Variants in COBL observed in about 807,000 individuals in gnomAD.
COBL encodes the protein protein cordon-bleu.
In COBL, 51 loss-of-function variants were observed where a neutral mutation model predicts 98.8. The observed-to-expected ratio is 0.52, with a 90% confidence interval of 0.41 to 0.65. The LOEUF (loss-of-function observed/expected upper bound fraction) is 0.65. Ranked by LOEUF, COBL falls within the 30% of genes least tolerant of loss-of-function variation. The pLI is 0.00. For synonymous variants in COBL, 634 were observed against 651.7 expected, an observed-to-expected ratio of 0.97 and a Z score of 0.41; for missense variants, 1,617 against 1,617.5, an observed-to-expected ratio of 1.00 and a Z score of 0.01.
At chr7:51,168,104 C>A (rs1787499397) in intron 5 of COBL, among the ~76,000 whole-genome samples, 1 of 152,118 alleles carries the variant, frequency 6.6e-6, no homozygotes, top group African/African-American at 2.4e-5. Context: ...GCAAAGGAAA[C>A]AACCCACAAA....
chr7:51,230,133 C>T (rs758236507), intron 1 of COBL, among the ~76,000 whole-genome samples: 5 of 152,128 alleles, frequency 3.3e-5, no homozygotes, highest in Non-Finnish European at 7.4e-5. Context: ...AAGGAGTGTG[C>T]CCCCAGCTGC....
In COBL at chr7:51,031,097, G is replaced by A; in HGVS notation, c.1407-188C>T. 5.0e-6 allele frequency: 3 copies of A among 597,998 alleles called. No individual in the cohort carries two copies. In the Admixed American group the frequency reaches 8.7e-5, roughly 17 times the overall value. The allele number at this position is 597,998 out of a possible 1,614,324, so 37.0% of individuals were successfully genotyped here. ...TCATGGGTGTGTGTGTCCCCCATGT[G>A]TGTGCACAGGTATGTGTGGGATGCG... On this transcript the variant is annotated intron_variant, in intron 8 of 12. Coordinates refer to ENST00000265136, the MANE Select transcript of COBL (RefSeq NM_015198.5).
chr7:51,032,616 A>G (rs1220638614), intron 8 of COBL: 3 of 152,226 alleles, frequency 2.0e-5, no homozygotes, highest in Admixed American at 2.0e-4. Context: ...CTTCCAGATT[A>G]GTCTCAGCTA....
chr7:51,177,971 C>G (rs547668923), intron 5 of COBL, among the ~76,000 whole-genome samples: 1 of 151,802 alleles, frequency 6.6e-6, no homozygotes, highest in Admixed American at 6.6e-5. Flanking sequence ...TATGGTGAAA[C>G]CCGGTCTCTA....
chr7:51,104,459 T>C (rs143476240), intron 6 of COBL, among the ~76,000 whole-genome samples: 207 of 152,332 alleles, frequency 1.4e-3, no homozygotes, highest in Non-Finnish European at 2.7e-3. Flanking sequence ...AGCTGTGTGA[T>C]GGTGGATAAG....
chr7:51,117,419 G>C (rs1273733601), intron 6 of COBL, among the ~76,000 whole-genome samples: 1 of 151,760 alleles, frequency 6.6e-6, no homozygotes, highest in African/African-American at 2.4e-5. Flanking sequence ...TCTTGAAACT[G>C]GATATTTCAA....
At chr7:51,230,179 C>T (rs1794614412) in intron 1 of COBL, among the ~76,000 whole-genome samples, 1 of 152,170 alleles carries the variant, frequency 6.6e-6, no homozygotes, top group Non-Finnish European at 1.5e-5. Context: ...AGCTTCTCTC[C>T]TACGTGGACA....
chr7:51,173,259 G>A (rs1057382970), intron 5 of COBL, among the ~76,000 whole-genome samples: 5 of 151,738 alleles, frequency 3.3e-5, no homozygotes, highest in African/African-American at 1.2e-4. Flanking sequence ...TTGGCTCACT[G>A]CAACCTCTAC....
At chr7:51,239,642 C>A (rs1047679788) in intron 1 of COBL, among the ~76,000 whole-genome samples, 1 of 152,204 alleles carries the variant, frequency 6.6e-6, no homozygotes, top group African/African-American at 2.4e-5. Context: ...GCCTCCAATT[C>A]TTTCTTGCAT....
At chr7:51,271,673 G>A (rs1304432269) in intron 1 of COBL, among the ~76,000 whole-genome samples, 1 of 152,200 alleles carries the variant, frequency 6.6e-6, no homozygotes, top group Non-Finnish European at 1.5e-5. Context: ...AAACTCATCA[G>A]TTTCAGGATT....
chr7:51,065,367 G>T, intron 7 of COBL: 2 of 703,630 alleles, frequency 2.8e-6, no homozygotes, highest in Non-Finnish European at 5.2e-6. Flanking sequence ...TCATCCACAG[G>T]GTTCTTGGCT....
At chr7:51,257,822 A>G (rs1451207147) in intron 1 of COBL, among the ~76,000 whole-genome samples, 1 of 152,186 alleles carries the variant, frequency 6.6e-6, no homozygotes, top group African/African-American at 2.4e-5. Context: ...AAAAAAACAG[A>G]TAGATTAACA....
intron 5 of COBL, among the ~76,000 whole-genome samples, chr7:51,142,277 T>C (rs1206463012): frequency 1.3e-5 from 2 of 151,960 alleles, no homozygotes; most frequent in African/African-American, 2.4e-5. Context: ...TCTGGATGCA[T>C]ACTTCAGCCA....
chr7:51,316,635 G>A lies in COBL; in HGVS notation c.-2C>T, dbSNP rs1803638818. The A allele has an allele frequency of 6.7e-6, 8 of 1,199,276 alleles. No homozygotes were observed. The highest frequency in any genetic ancestry group is 7.2e-6 in the Non-Finnish European group (7 of 967,052). The allele number at this position is 1,199,276 out of a possible 1,614,324, so 74.3% of individuals were successfully genotyped here. A position where few individuals can be genotyped will look rare whatever the true frequency, so the allele number is the denominator to read the frequency against. ...CGCCGAGGCGCGCGGCGCGTCCATG[G>A]TGCCGGGGGCCGGGACGCGGGCGGT... On this transcript the variant is annotated 5_prime_UTR_variant, in exon 1 of 13. Coordinates refer to ENST00000265136, the MANE Select transcript of COBL (RefSeq NM_015198.5).
intron 7 of COBL, among the ~76,000 whole-genome samples, chr7:51,068,201 T>G (rs1792149771): frequency 6.6e-6 from 1 of 152,172 alleles, no homozygotes. Flanking sequence ...AGTGGAGAAA[T>G]TACCTTTGTT....
At chr7:51,018,828 G>A (rs1158950567) in intron 12 of COBL, among the ~76,000 whole-genome samples, 1 of 140,664 alleles carries the variant, frequency 7.1e-6, no homozygotes, top group African/African-American at 2.6e-5. Context: ...GGAGGTAGAG[G>A]TTGCATGAGC....
At chr7:51,141,150 C>A (rs1668859916) in intron 5 of COBL, among the ~76,000 whole-genome samples, 1 of 151,850 alleles carries the variant, frequency 6.6e-6, no homozygotes, top group Non-Finnish European at 1.5e-5. Context: ...GAGAAATGGT[C>A]ATTTTGTTTC....
intron 5 of COBL, among the ~76,000 whole-genome samples, chr7:51,157,554 G>A (rs1433523214): frequency 1.3e-5 from 2 of 152,170 alleles, no homozygotes; most frequent in Non-Finnish European, 2.9e-5. Context: ...TGGTTGGAGA[G>A]GCGAGTGTCT....
intron 1 of COBL, among the ~76,000 whole-genome samples, chr7:51,224,463 C>G (rs2129094830): frequency 6.6e-6 from 1 of 152,090 alleles, no homozygotes; most frequent in South Asian, 2.1e-4. Context: ...CCCTAACACC[C>G]TAGCCGAGGT....
Sources: allele counts gnomAD v4.1 joint callset (sites outside exome capture counted in the v4.1 genomes callset), GRCh38; gene constraint gnomAD v4.1.1; transcripts MANE v1.5; gene names NCBI Gene and HGNC (gene_info 2026-07-23, HGNC 2026-07-21).